Variants in FAM3B observed in about 807,000 individuals in gnomAD.
FAM3B encodes the protein FAM3 metabolism regulating signaling molecule B.
Under a neutral mutation model 28.4 loss-of-function variants are expected in FAM3B, and 29 were observed. The observed-to-expected ratio is 1.02, with a 90% CI of 0.76 to 1.39. FAM3B has a LOEUF of 1.39. Ranked by LOEUF, FAM3B falls within the 40% of genes most tolerant of loss-of-function variation. The pLI, the probability that FAM3B is intolerant of heterozygous loss-of-function variation, is 0.00. For missense variants in FAM3B, 266 were observed against 293.9 expected (o/e 0.91, Z 0.69); for synonymous variants, 91 against 103.0 (o/e 0.88, Z 0.71).
At chr21:41,338,917 A>G (rs770884285) in intron 3 of FAM3B, among the ~76,000 whole-genome samples, 1 of 152,202 alleles carries the variant, frequency 6.6e-6, no homozygotes, top group Non-Finnish European at 1.5e-5. Context: ...TGGGCTCTGA[A>G]CAAAGTTAGA....
chr21:41,344,044 C>T lies in FAM3B; in HGVS notation c.288-432C>T, dbSNP rs369172628. Among the ~76,000 whole-genome samples the T allele has an allele frequency of 6.7e-4, 102 of 152,214 alleles. No homozygotes were observed. In the East Asian group the frequency reaches 7.1e-3, roughly 11 times the overall value. On this transcript the variant is annotated intron_variant, in intron 3 of 7. Transcript: ENST00000357985. ...CTGAGATGGAAGGATTGCTTGAGCC[C>T]GAGAGGCAGAGGTTGCAGTGAGCCA...
At chr21:41,334,766 C>T (rs941552911) in intron 2 of FAM3B, among the ~76,000 whole-genome samples, 2 of 152,234 alleles carry the variant, frequency 1.3e-5, no homozygotes, top group Non-Finnish European at 1.5e-5. Flanking sequence ...CACCATCCTC[C>T]AGACCCCAGA....
At chr21:41,308,204 A>G (rs1206422153) in intron 1 of FAM3B, among the ~76,000 whole-genome samples, 4 of 152,240 alleles carry the variant, frequency 2.6e-5, no homozygotes, top group Non-Finnish European at 5.9e-5. Context: ...CACTTATGGG[A>G]TGCCTCATTT....
rs1282496637 is a variant in FAM3B at position 41,357,667 on chromosome 21, G to C, written c.*470G>C. On this transcript the variant is annotated 3_prime_UTR_variant, in exon 8 of 8. Transcript: ENST00000357985. Reference sequence around the variant, plus strand: ...GTTATGTCCTTGTTCAACTCAACTTGAGCTCTTGAACTCCTCCTGTGGGCC... The same window carrying C: ...GTTATGTCCTTGTTCAACTCAACTTCAGCTCTTGAACTCCTCCTGTGGGCC... Among the ~76,000 whole-genome samples, 2 of 152,280 alleles carry C rather than the reference G, an allele frequency of 1.3e-5. No individual in the cohort carries two copies. The highest frequency in any genetic ancestry group is 4.1e-4 in the South Asian group (2 of 4,832).
At chr21:41,332,315 C>T (rs908719253) in intron 2 of FAM3B, among the ~76,000 whole-genome samples, 1 of 152,198 alleles carries the variant, frequency 6.6e-6, no homozygotes, top group Non-Finnish European at 1.5e-5. Flanking sequence ...AATTAAACCT[C>T]TTTATAAATT....
At position 41,326,188 on chromosome 21, in the gene FAM3B, AGATGTG is replaced by A. The variant is rs2088853443; in HGVS notation, c.163+3124_163+3129del. On this transcript the variant is annotated intron_variant, in intron 2 of 7. Transcript: ENST00000357985. The surrounding 1 kb of genome is among the most constrained non-coding windows in gnomAD (Gnocchi z 4.0). ...ATTTCAGGAAAAGCACTGAAGACCT[AGATGTG>A]GTTCTCCAGGCAGGGTTTGGAAAGA... Among the ~76,000 whole-genome samples the A allele has an allele frequency of 6.6e-6, 1 of 152,204 alleles. No individual in the cohort carries two copies. The highest frequency in any genetic ancestry group is 1.5e-5 in the Non-Finnish European group (1 of 68,024).
Position 41,316,812 on chromosome 21 carries a change from AG to A in FAM3B, c.-64del. ...TGCCCGCCCCTTGCCTTCCTGACCC[AG>A]GGGCTCCGCTGGCTGCGGTCGCCTG... is the stretch of plus-strand genomic sequence containing the variant. On this transcript the variant is annotated 5_prime_UTR_variant, in exon 1 of 8. Transcript: ENST00000357985. 1.4e-6 allele frequency: 2 copies of A among 1,411,738 alleles called. No individual in the cohort carries two copies. Among genetic ancestry groups the A allele is most frequent in the Non-Finnish European group, 1.8e-6 (2 of 1,084,248 alleles). The allele number at this position is 1,411,738 out of a possible 1,614,324, so 87.5% of individuals were successfully genotyped here. A position where few individuals can be genotyped will look rare whatever the true frequency, so the allele number is the denominator to read the frequency against.
intron 2 of FAM3B, among the ~76,000 whole-genome samples, chr21:41,337,926 G>A (rs2088970655): frequency 6.6e-6 from 1 of 151,958 alleles, no homozygotes; most frequent in Non-Finnish European, 1.5e-5. Context: ...TATAGTGTAT[G>A]TGGCATGTTG....
chr21:41,308,535 CTTTTTTTTT>C (rs562737882), intron 1 of FAM3B, among the ~76,000 whole-genome samples: 1 of 119,554 alleles, frequency 8.4e-6, no homozygotes, highest in African/African-American at 3.1e-5. Context: ...TTTTTCTTTT[CTTTTTTTTT>C]TTTTTTTTTT....
At chr21:41,309,985 A>G (rs1298738022) in intron 1 of FAM3B, among the ~76,000 whole-genome samples, 1 of 152,186 alleles carries the variant, frequency 6.6e-6, no homozygotes, top group African/African-American at 2.4e-5. Flanking sequence ...TATGTAGGCT[A>G]AGCTTTCTGC....
intron 1 of FAM3B, chr21:41,320,431 C>T (rs935621481): frequency 8.5e-5 from 13 of 152,242 alleles, no homozygotes; most frequent in African/African-American, 3.1e-4. Context: ...ATTGTTGAAG[C>T]CACCCAGTTG....
upstream of FAM3B, among the ~76,000 whole-genome samples, chr21:41,314,172 C>A (rs192360153): frequency 1.3e-3 from 201 of 152,284 alleles, 1 homozygote; most frequent in Non-Finnish European, 2.8e-4. Context: ...CCAGAGCCCT[C>A]ACTTCTTCTC....
chr21:41,331,491 A>G (rs1361568409), intron 2 of FAM3B, among the ~76,000 whole-genome samples: 1 of 152,050 alleles, frequency 6.6e-6, no homozygotes, highest in Admixed American at 6.6e-5. Context: ...CTTTTAGGGC[A>G]TATTCCCCAA....
chr21:41,342,385 A>G (rs1426713035), intron 3 of FAM3B, among the ~76,000 whole-genome samples: 2 of 152,198 alleles, frequency 1.3e-5, no homozygotes, highest in African/African-American at 4.8e-5. Context: ...GTCTTTCATC[A>G]AATTTAACAA....
chr21:41,348,698 C>G lies in FAM3B; in HGVS notation c.592C>G (p.Leu198Val), dbSNP rs747552654. The change falls in exon 7 of 8, where the codon CTC becomes GTC. Residue 198 changes from leucine to valine, a missense_variant. Leu to Val is a conservative substitution (Grantham distance 32). Coordinates refer to ENST00000357985, the MANE Select transcript of FAM3B (RefSeq NM_058186.4). ...ATTTATTGCAGCAAAAGGCTTGGAACTCCCTTCCGAAATTCAGAGAGAAAA... is the reference window on the plus strand; with the variant it reads ...ATTTATTGCAGCAAAAGGCTTGGAAGTCCCTTCCGAAATTCAGAGAGAAAA... ...WVFIAAKGLE[L>V]PSEIQREKIN... 8 of 1,614,132 alleles carry G rather than the reference C, an allele frequency of 5.0e-6. No individual in the cohort carries two copies. Among genetic ancestry groups the G allele is most frequent in the Admixed American group, 1.7e-5 (1 of 60,014 alleles).
At chr21:41,350,919 T>TAA (rs1490596101) in intron 7 of FAM3B, among the ~76,000 whole-genome samples, 1 of 152,180 alleles carries the variant, frequency 6.6e-6, no homozygotes, top group African/African-American at 2.4e-5. Flanking sequence ...CCAGCTTATT[T>TAA]AACTAGCAAG....
chr21:41,344,820 G>C lies in FAM3B; in HGVS notation c.346+286G>C, dbSNP rs139947370. Among the ~76,000 whole-genome samples, 16 of 152,314 alleles carry C rather than the reference G, an allele frequency of 1.1e-4. No individual in the cohort carries two copies. In the East Asian group the frequency reaches 2.9e-3, roughly 28 times the overall value. On this transcript the variant is annotated intron_variant, in intron 4 of 7. Transcript: ENST00000357985. Reference sequence around the variant, plus strand: ...GGTTAACACCAGAAGGGCCGCCAAGGGGGTGCAGCCTGTGGTCCTGGACTG... The same window carrying C: ...GGTTAACACCAGAAGGGCCGCCAAGCGGGTGCAGCCTGTGGTCCTGGACTG...
At chr21:41,316,633 C>T, upstream of FAM3B, 2 of 371,754 alleles carry the variant, frequency 5.4e-6, no homozygotes, top group Non-Finnish European at 9.5e-6. Context: ...GTCCACCCTC[C>T]GCCAGCGACC....
At chr21:41,316,237 G>A (rs570547871), upstream of FAM3B, among the ~76,000 whole-genome samples, 20 of 152,310 alleles carry the variant, frequency 1.3e-4, no homozygotes, top group Non-Finnish European at 2.8e-4. Context: ...GACCCATGCC[G>A]TGGCCAGAGG....
Sources: gnomAD v4.1 joint callset for allele counts (sites outside exome capture counted in the v4.1 genomes callset) on GRCh38, gnomAD v4.1.1 for gene constraint, Gnocchi (gnomAD v3.1) non-coding constraint, MANE v1.5 for transcripts, NCBI Gene and HGNC (gene_info 2026-07-23, HGNC 2026-07-21) for gene names.